The following EPB41L2 variants were observed in gnomAD, a reference collection of about 807,000 sequenced individuals.
EPB41L2 encodes erythrocyte membrane protein band 4.1 like 2, also known as band 4.1-like protein 2.
A neutral mutation model predicts 113.0 loss-of-function variants in EPB41L2; 43 were observed. The ratio of observed to expected loss-of-function variants is 0.38; its 90% confidence interval spans 0.30 to 0.49. EPB41L2 has a LOEUF of 0.49. EPB41L2 is among the 20% of genes least tolerant of loss of function. The pLI, the probability that EPB41L2 is intolerant of heterozygous loss-of-function variation, is 0.95. For synonymous variants in EPB41L2, 442 were observed against 436.7 expected (o/e 1.01, Z -0.15); for missense variants, 1,147 against 1,223.4 (o/e 0.94, Z 0.93).
At chr6:130,928,127 TA>T (rs1805394837) in intron 3 of EPB41L2, among the ~76,000 whole-genome samples, 1 of 152,076 alleles carries the variant, frequency 6.6e-6, no homozygotes, top group Non-Finnish European at 1.5e-5. Flanking sequence ...AATTTAAAAA[TA>T]AAACAATGTG....
chr6:130,978,258 T>C (rs372068771), intron 1 of EPB41L2, among the ~76,000 whole-genome samples: 6 of 152,242 alleles, frequency 3.9e-5, no homozygotes, highest in Admixed American at 6.5e-5. Context: ...TTAAGGTGTA[T>C]TGTAATAAGC....
chr6:130,983,670 A>G (rs1306565837), intron 1 of EPB41L2, among the ~76,000 whole-genome samples: 1 of 151,952 alleles, frequency 6.6e-6, no homozygotes, highest in East Asian at 1.9e-4. Flanking sequence ...CTGGGACTAC[A>G]GGCACACACC....
At chr6:130,996,574 C>G (rs1306168799) in intron 1 of EPB41L2, among the ~76,000 whole-genome samples, 1 of 152,218 alleles carries the variant, frequency 6.6e-6, no homozygotes, top group Non-Finnish European at 1.5e-5. Context: ...AAACTGTGAA[C>G]TTTCAAATGA....
intron 18 of EPB41L2, among the ~76,000 whole-genome samples, chr6:130,861,077 A>T (rs1020816435): frequency 4.0e-5 from 6 of 151,510 alleles, no homozygotes; most frequent in African/African-American, 1.5e-4. Context: ...TTTATTTTTA[A>T]TTTTTTTAAT....
intron 3 of EPB41L2, among the ~76,000 whole-genome samples, chr6:130,949,896 T>C (rs1221257498): frequency 6.6e-6 from 1 of 152,300 alleles, no homozygotes; most frequent in Non-Finnish European, 1.5e-5. Context: ...CTCTCCTTCT[T>C]ATTTTTTAAG....
chr6:131,002,503 T>C (rs9402310), intron 1 of EPB41L2, among the ~76,000 whole-genome samples: 22,741 of 152,174 alleles, frequency 0.15, 2,324 homozygotes, highest in East Asian at 0.43. Context: ...TAAGTCTGTG[T>C]ATGAGCAATT....
chr6:130,995,289 C>G (rs949257353), intron 1 of EPB41L2, among the ~76,000 whole-genome samples: 8 of 151,920 alleles, frequency 5.3e-5, no homozygotes, highest in African/African-American at 1.9e-4. Flanking sequence ...GAGCCGAGAT[C>G]GCACCACAGC....
chr6:131,050,203 G>A (rs1796250251), intron 1 of EPB41L2, among the ~76,000 whole-genome samples: 1 of 152,108 alleles, frequency 6.6e-6, no homozygotes, highest in Admixed American at 6.5e-5. Flanking sequence ...GCTGGGCGTG[G>A]TGGCGGGCAC....
chr6:130,973,858 T>A (rs9492773), intron 1 of EPB41L2, among the ~76,000 whole-genome samples: 25,576 of 152,138 alleles, frequency 0.17, 2,642 homozygotes, highest in African/African-American at 0.26. Context: ...CATGGGCACA[T>A]GTCGTCAGGT....
rs72983711 is a variant in EPB41L2 at position 130,916,411 on chromosome 6, T to G, written c.811-7548A>C. Among the ~76,000 whole-genome samples the G allele has an allele frequency of 1.7e-3, 256 of 152,250 alleles. 1 individual carries two copies. The highest frequency in any genetic ancestry group is 2.9e-3 in the Admixed American group (45 of 15,290). On this transcript the variant is annotated intron_variant, in intron 4 of 19. Transcript: ENST00000337057. The stretch of plus-strand genomic sequence containing the variant: ...AACATGATTCTCAATTATGCTCTAG[T>G]GACAGAAACATCTAGGGGGAAAAAA...
rs758737307 is a variant in EPB41L2 at position 130,883,044 on chromosome 6, C to G, written c.1833+2052G>C. ...AAGCTGTCTAGTGTGATCTGGTCAGCCTCCCCAAAGGGGTCTTCCTCTGAA... is the reference window on the plus strand; with the variant it reads ...AAGCTGTCTAGTGTGATCTGGTCAGGCTCCCCAAAGGGGTCTTCCTCTGAA... On this transcript the variant is annotated intron_variant, in intron 12 of 19. Coordinates refer to ENST00000337057, the MANE Select transcript of EPB41L2 (RefSeq NM_001431.4). 3.9e-5 allele frequency: 6 copies of G among 152,664 alleles called. No homozygotes were observed. In the East Asian group the frequency reaches 7.7e-4, roughly 20 times the overall value. 9.5% of individuals were successfully genotyped at this position (152,664 alleles called of 1,614,324 possible). A position where few individuals can be genotyped will look rare whatever the true frequency, so the allele number is the denominator to read the frequency against.
At chr6:130,877,296 T>G (rs1787874472) in intron 14 of EPB41L2, among the ~76,000 whole-genome samples, 1 of 152,222 alleles carries the variant, frequency 6.6e-6, no homozygotes, top group Non-Finnish European at 1.5e-5. Context: ...GGGTAACATC[T>G]TTATACCATT....
intron 19 of EPB41L2, among the ~76,000 whole-genome samples, chr6:130,843,777 T>C (rs1188205521): frequency 6.6e-6 from 1 of 152,226 alleles, no homozygotes; most frequent in African/African-American, 2.4e-5. Context: ...AATAGATCAA[T>C]GTGGCTCAAT....
chr6:130,887,057 T>A (rs879766540), intron 11 of EPB41L2, among the ~76,000 whole-genome samples: 9 of 152,146 alleles, frequency 5.9e-5, no homozygotes, highest in African/African-American at 2.2e-4. Context: ...TTATACATAC[T>A]CAGAAATTTT....
At chr6:130,986,384 C>T (rs1232115592) in intron 1 of EPB41L2, among the ~76,000 whole-genome samples, 1 of 151,462 alleles carries the variant, frequency 6.6e-6, no homozygotes, top group Non-Finnish European at 1.5e-5. Flanking sequence ...AAGTGGAAAT[C>T]AAAATCACAT....
At chr6:130,846,515 C>T (rs894284687) in intron 19 of EPB41L2, among the ~76,000 whole-genome samples, 3 of 152,188 alleles carry the variant, frequency 2.0e-5, no homozygotes, top group African/African-American at 7.2e-5. Flanking sequence ...CTGCTGAGTA[C>T]AGGGAGAAAT....
At chr6:130,855,599 A>C (rs1779984419) in intron 19 of EPB41L2, among the ~76,000 whole-genome samples, 1 of 152,214 alleles carries the variant, frequency 6.6e-6, no homozygotes, top group Non-Finnish European at 1.5e-5. Context: ...TATGCTAGCA[A>C]AAGCTAGAAA....
At chr6:130,929,857 T>TCCCACACACA (rs1491200686) in intron 3 of EPB41L2, among the ~76,000 whole-genome samples, 1 of 123,372 alleles carries the variant, frequency 8.1e-6, no homozygotes, top group African/African-American at 2.9e-5. Context: ...AGACAGACAG[T>TCCCACACACA]CACACACACA....
At chr6:130,966,774 C>T (rs1775319491) in intron 1 of EPB41L2, among the ~76,000 whole-genome samples, 1 of 152,186 alleles carries the variant, frequency 6.6e-6, no homozygotes, top group Non-Finnish European at 1.5e-5. Context: ...ACAACACGTG[C>T]CAATATGACT....
Sources: allele counts gnomAD v4.1 joint callset (sites outside exome capture counted in the v4.1 genomes callset), GRCh38; gene constraint gnomAD v4.1.1; transcripts MANE v1.5; gene names NCBI Gene and HGNC (gene_info 2026-07-23, HGNC 2026-07-21).